Variants in BEND2 observed in about 807,000 individuals in gnomAD.
BEND2 encodes the protein BEN domain-containing protein 2.
A neutral mutation model predicts 43.8 loss-of-function variants in BEND2; 19 were observed. That is an observed-to-expected ratio of 0.43 (90% confidence interval 0.30 to 0.64). BEND2 has a LOEUF of 0.64. Among genes scored for constraint, BEND2 ranks in the 30% least tolerant of loss-of-function variants. BEND2 has a pLI of 0.11. For missense variants in BEND2, 544 were observed against 574.0 expected (o/e 0.95, Z 0.53); for synonymous variants, 226 against 210.1 (o/e 1.08, Z -0.66).
intron 7 of BEND2, among the ~76,000 whole-genome samples, chrX:18,192,192 C>T (rs1278438245): frequency 1.8e-5 from 2 of 111,758 alleles, no homozygotes; most frequent in Non-Finnish European, 3.8e-5. Flanking sequence ...CTGGTTCATG[C>T]TTTTCCCAAT....
At chrX:18,168,053 T>C (rs1923869317) in intron 13 of BEND2, among the ~76,000 whole-genome samples, 1 of 112,628 alleles carries the variant, frequency 8.9e-6, no homozygotes, top group Non-Finnish European at 1.9e-5. Context: ...TGAAAAAGCA[T>C]AAGGCTTAAG....
At chrX:18,204,034 G>A (rs1277270944) in intron 4 of BEND2, 119 bp from the exon 5 acceptor site, 3 of 632,793 alleles carry the variant, frequency 4.7e-6, no homozygotes, top group Non-Finnish European at 4.6e-6. Flanking sequence ...CCTCTAAAAT[G>A]ACACCAACCC....
chrX:18,214,794 G>T (rs1310031349), intron 2 of BEND2, among the ~76,000 whole-genome samples: 1 of 70,321 alleles, frequency 1.4e-5, no homozygotes, highest in East Asian at 5.0e-4. Context: ...CTGGGCGACA[G>T]AGAGAGACTC....
At chrX:18,168,370 G>A (rs761510359) in intron 13 of BEND2, among the ~76,000 whole-genome samples, 1 of 111,794 alleles carries the variant, frequency 8.9e-6, no homozygotes, top group East Asian at 2.8e-4. Flanking sequence ...CAGGACAAAA[G>A]TGTATGATTT....
At chrX:18,183,528 A>C (rs1200270614) in intron 8 of BEND2, among the ~76,000 whole-genome samples, 1 of 112,341 alleles carries the variant, frequency 8.9e-6, no homozygotes, top group Non-Finnish European at 1.9e-5. Context: ...AAGAAATCCA[A>C]AATCAGCTTA....
At chrX:18,204,907 A>C (rs1048546547) in intron 4 of BEND2, among the ~76,000 whole-genome samples, 1 of 112,142 alleles carries the variant, frequency 8.9e-6, no homozygotes, top group African/African-American at 3.2e-5. Flanking sequence ...TGTAACATAT[A>C]TGTTCATATA....
intron 4 of BEND2, among the ~76,000 whole-genome samples, chrX:18,210,363 C>T (rs1375788493): frequency 8.9e-6 from 1 of 111,817 alleles, no homozygotes; most frequent in East Asian, 2.8e-4. Flanking sequence ...TATTAATAAA[C>T]CAAAAGAACA....
intron 8 of BEND2, among the ~76,000 whole-genome samples, chrX:18,186,933 CT>C (rs1213407891): frequency 9.4e-6 from 1 of 106,106 alleles, no homozygotes; most frequent in Non-Finnish European, 1.9e-5. Flanking sequence ...TACCACTGCA[CT>C]CCCGCCTGGG....
intron 8 of BEND2, among the ~76,000 whole-genome samples, chrX:18,181,454 T>C (rs975652801): frequency 9.0e-6 from 1 of 110,899 alleles, no homozygotes; most frequent in Admixed American, 9.6e-5. Context: ...GGAACTGTGG[T>C]AAATCCATAC....
chrX:18,199,787 A>T (rs753939124), intron 6 of BEND2, among the ~76,000 whole-genome samples: 2 of 111,804 alleles, frequency 1.8e-5, no homozygotes, highest in African/African-American at 6.5e-5. Context: ...GGAACACTAA[A>T]GAAACCTGAA....
intron 13 of BEND2, among the ~76,000 whole-genome samples, chrX:18,167,632 C>T (rs761289620): frequency 5.0e-4 from 56 of 111,564 alleles, no homozygotes; most frequent in African/African-American, 1.6e-3. Flanking sequence ...GGCACAATCA[C>T]AGCTCACTGC....
chrX:18,189,752 C>T (rs749752520), intron 8 of BEND2, among the ~76,000 whole-genome samples: 61 of 111,391 alleles, frequency 5.5e-4, no homozygotes, highest in South Asian at 7.7e-4. Flanking sequence ...TACATCATTT[C>T]GAAAGGCCAA....
Position 18,220,770 on chromosome X carries a change from G to T in BEND2, c.-20C>A. 1 of 1,204,975 alleles carries T rather than the reference G, an allele frequency of 8.3e-7. No homozygotes were observed. The highest frequency in any genetic ancestry group is 1.1e-6 in the Non-Finnish European group (1 of 891,544). On this transcript the variant is annotated 5_prime_UTR_variant, in exon 1 of 14. Coordinates refer to ENST00000380033, the MANE Select transcript of BEND2 (RefSeq NM_153346.5). The stretch of plus-strand genomic sequence containing the variant: ...TGACATCGTGAGATGGCGGGGTCTG[G>T]CTCTGAGGCCCGAGACCTGAGGCCC...
rs1925171789 is a variant in BEND2, at chrX:18,201,741, C to T, written c.1033+74G>A. 5 of 1,088,768 alleles carry T rather than the reference C, an allele frequency of 4.6e-6. No individual in the cohort carries two copies. The Admixed American group carries it at 1.4e-4, about 31-fold the overall frequency. 89.7% of individuals were successfully genotyped at this position (1,088,768 alleles called of 1,213,427 possible). A position where few individuals can be genotyped will look rare whatever the true frequency, so the allele number is the denominator to read the frequency against. ...CTTCTGATGTCAGGTGATGCACCCGCCTCACCCTCCCAAAGTGCTGGGATT... is the reference window on the plus strand; with the variant it reads ...CTTCTGATGTCAGGTGATGCACCCGTCTCACCCTCCCAAAGTGCTGGGATT... On this transcript the variant is annotated intron_variant, in intron 6 of 13. Coordinates refer to ENST00000380033, the MANE Select transcript of BEND2 (RefSeq NM_153346.5).
chrX:18,169,825 G>C, intron 13 of BEND2, among the ~76,000 whole-genome samples: 1 of 112,065 alleles, frequency 8.9e-6, no homozygotes, highest in Non-Finnish European at 1.9e-5. Flanking sequence ...TACTGCAAAA[G>C]ACATCTTCCA....
chrX:18,200,023 A>T (rs1249417589), intron 6 of BEND2, among the ~76,000 whole-genome samples: 1 of 111,359 alleles, frequency 9.0e-6, no homozygotes, highest in Non-Finnish European at 1.9e-5. Context: ...CAGCAATTAC[A>T]CTCTTGGCAT....
At position 18,200,962 on chromosome X, in the gene BEND2, A is replaced by G. The variant is rs151269556; in HGVS notation, c.1033+853T>C. Among the ~76,000 whole-genome samples the G allele has an allele frequency of 3.5e-3, 390 of 112,494 alleles. 2 individuals are homozygous for G. The highest frequency in any genetic ancestry group is 0.011 in the African/African-American group (352 of 31,016). On this transcript the variant is annotated intron_variant, in intron 6 of 13. Coordinates refer to ENST00000380033, the MANE Select transcript of BEND2 (RefSeq NM_153346.5). ...GATGTGATATTTTACTATAGTTTTA[A>G]AGATGTCATCCTTTGGGGGAAATGG...
intron 6 of BEND2, among the ~76,000 whole-genome samples, chrX:18,198,470 C>A (rs1330640408): frequency 9.0e-6 from 1 of 111,002 alleles, no homozygotes; most frequent in Non-Finnish European, 1.9e-5. Context: ...TCATCACTGG[C>A]CATCAGAGAA....
At chrX:18,167,051 C>T (rs1020423732) in intron 13 of BEND2, among the ~76,000 whole-genome samples, 54 of 110,891 alleles carry the variant, frequency 4.9e-4, no homozygotes, top group African/African-American at 1.7e-3. Context: ...GAGGCTGAAG[C>T]GGGTGAATCG....
Sources: gnomAD v4.1 joint callset for allele counts (sites outside exome capture counted in the v4.1 genomes callset) on GRCh38, gnomAD v4.1.1 for gene constraint, MANE v1.5 for transcripts, NCBI Gene and HGNC (gene_info 2026-07-23, HGNC 2026-07-21) for gene names.